LNX2: variants seen among roughly 807,000 people sequenced by gnomAD.
LNX2 encodes ligand of numb-protein X 2, also known as ligand of Numb protein X 2.
LNX2 carries 35 observed loss-of-function variants against 66.2 expected under a neutral mutation model. The observed-to-expected ratio is 0.53, with a 90% CI of 0.40 to 0.70. The LOEUF (loss-of-function observed/expected upper bound fraction) is 0.70. Among genes scored for constraint, LNX2 ranks in the 30% least tolerant of loss-of-function variants. The pLI, the probability that LNX2 is intolerant of heterozygous loss-of-function variation, is 0.00. For missense variants in LNX2, 791 were observed against 850.8 expected (o/e 0.93, Z 0.87); for synonymous variants, 337 against 315.6 (o/e 1.07, Z -0.72).
At chr13:27,558,391 G>A (rs75983449) in intron 6 of LNX2, among the ~76,000 whole-genome samples, 1,627 of 152,148 alleles carry the variant, frequency 0.011, 24 homozygotes, top group African/African-American at 0.037. Flanking sequence ...TAAAGAGAAT[G>A]AGAATTAGCA....
intron 4 of LNX2, among the ~76,000 whole-genome samples, chr13:27,566,363 G>A (rs936630745): frequency 9.9e-5 from 15 of 152,120 alleles, no homozygotes; most frequent in Admixed American, 3.9e-4. Flanking sequence ...TATATTCCAC[G>A]AGGACAGGTC....
Position 27,556,281 on chromosome 13 carries a change from C to A in LNX2, c.1501G>T (p.Val501Leu). The A allele has an allele frequency of 6.2e-7, 1 of 1,614,034 alleles. No homozygotes were observed. The highest frequency in any genetic ancestry group is 8.5e-7 in the Non-Finnish European group (1 of 1,179,972). Residue 501 changes from valine to leucine, a missense_variant, in exon 7 of 10, where the codon GTG becomes TTG. Physicochemically the swap from Val to Leu is conservative, Grantham distance 32. Transcript: ENST00000316334. ...CGTGCAAGGCAGCCATGGGGTGGCACACTGGTCACAAAGATGGGCAGCTCA... is the reference window on the plus strand; with the variant it reads ...CGTGCAAGGCAGCCATGGGGTGGCAAACTGGTCACAAAGATGGGCAGCTCA... Reference protein sequence around the residue: ...SGELPIFVTSVPPHGCLARDG... With the variant: ...SGELPIFVTSLPPHGCLARDG...
intron 1 of LNX2, among the ~76,000 whole-genome samples, chr13:27,590,012 T>G (rs1403803147): frequency 6.6e-6 from 1 of 152,146 alleles, no homozygotes; most frequent in East Asian, 1.9e-4. Context: ...TGCAGTAGCA[T>G]GATCTCGGCT....
chr13:27,587,821 A>C (rs1955504780), intron 1 of LNX2, among the ~76,000 whole-genome samples: 1 of 152,122 alleles, frequency 6.6e-6, no homozygotes, highest in African/African-American at 2.4e-5. Flanking sequence ...GGAGATCAAG[A>C]CCATCCTGGC....
intron 2 of LNX2, among the ~76,000 whole-genome samples, chr13:27,576,895 T>C (rs1011595729): frequency 1.3e-5 from 2 of 152,156 alleles, no homozygotes; most frequent in African/African-American, 4.8e-5. Flanking sequence ...TGACCTTGAA[T>C]TGGGCAATGT....
intron 1 of LNX2, among the ~76,000 whole-genome samples, chr13:27,614,341 T>TA (rs1230375635): frequency 1.3e-5 from 2 of 152,164 alleles, no homozygotes; most frequent in East Asian, 3.9e-4. Flanking sequence ...CCTTTTGAGA[T>TA]ATCTGTTCAG....
chr13:27,595,145 A>T (rs1368869964), intron 1 of LNX2, among the ~76,000 whole-genome samples: 1 of 152,182 alleles, frequency 6.6e-6, no homozygotes, highest in Non-Finnish European at 1.5e-5. Flanking sequence ...TGACCACAGC[A>T]TCCTCTTTCC....
At chr13:27,615,331 G>A (rs577361181) in intron 1 of LNX2, among the ~76,000 whole-genome samples, 4 of 152,294 alleles carry the variant, frequency 2.6e-5, no homozygotes, top group South Asian at 4.1e-4. Flanking sequence ...TGCACAGGGC[G>A]AGGTACGGGG....
At chr13:27,579,911 A>G (rs1955379446) in intron 2 of LNX2, among the ~76,000 whole-genome samples, 1 of 152,228 alleles carries the variant, frequency 6.6e-6, no homozygotes, top group Non-Finnish European at 1.5e-5. Context: ...AAGATATAAA[A>G]AAATGCAATG....
At chr13:27,576,287 T>C (rs1955339528) in intron 2 of LNX2, among the ~76,000 whole-genome samples, 4 of 151,842 alleles carry the variant, frequency 2.6e-5, no homozygotes, top group African/African-American at 7.3e-5. Flanking sequence ...AACCAGAAAA[T>C]AGACCCTTTA....
At chr13:27,596,623 T>C (rs549683142) in intron 1 of LNX2, among the ~76,000 whole-genome samples, 1 of 152,332 alleles carries the variant, frequency 6.6e-6, no homozygotes, top group South Asian at 2.1e-4. Context: ...TCCGTTTCAA[T>C]ATTACATTCT....
chr13:27,593,987 A>G (rs1268877717), intron 1 of LNX2, among the ~76,000 whole-genome samples: 11 of 151,790 alleles, frequency 7.2e-5, no homozygotes, highest in Admixed American at 3.3e-4. Flanking sequence ...ACAAACCCCA[A>G]AAAAGTCAAA....
chr13:27,608,849 G>C (rs1278555453), intron 1 of LNX2, among the ~76,000 whole-genome samples: 2 of 143,592 alleles, frequency 1.4e-5, no homozygotes, highest in East Asian at 1.9e-4. Flanking sequence ...CTGTCATCCA[G>C]GCTGGAGTGC....
rs1420971300 is a variant in LNX2, at chr13:27,553,786, A to G, written c.1547-347T>C. On this transcript the variant is annotated intron_variant, in intron 7 of 9. Transcript: ENST00000316334. ...TCTTAAGAGTTTCAGAGATTTCTAC[A>G]ATTCTGTCCAATCAAAAATCACTTG... Among the ~76,000 whole-genome samples, 3 of 152,280 alleles carry G rather than the reference A, an allele frequency of 2.0e-5. No homozygotes were observed. In the East Asian group the frequency reaches 5.8e-4, roughly 29 times the overall value.
In LNX2 at chr13:27,562,612, A is replaced by C; in HGVS notation, c.1025T>G (p.Leu342Arg). Residue 342 changes from leucine to arginine, a missense_variant, in exon 5 of 10, where the codon CTT becomes CGT. Physicochemically the swap from Leu to Arg is moderately radical, Grantham distance 102. Coordinates refer to ENST00000316334, the MANE Select transcript of LNX2 (RefSeq NM_153371.4). ...CTGTTCACCAGAGTCCCGTTTATGA[A>C]GAGCCACTTGGAAAATCTCTTCTCG... Reference protein sequence around the residue: ...SPREEIFQVALHKRDSGEQLG... With the variant: ...SPREEIFQVARHKRDSGEQLG... 1 of 1,614,164 alleles carries C rather than the reference A, an allele frequency of 6.2e-7. No homozygotes were observed. The highest frequency in any genetic ancestry group is 8.5e-7 in the Non-Finnish European group (1 of 1,180,024).
intron 2 of LNX2, among the ~76,000 whole-genome samples, chr13:27,576,797 T>C (rs1040126890): frequency 4.0e-5 from 6 of 151,886 alleles, no homozygotes; most frequent in Admixed American, 2.0e-4. Flanking sequence ...TGATTTCTCA[T>C]TGCAATTAAT....
At chr13:27,549,821 G>C (rs1347692430) in intron 9 of LNX2, among the ~76,000 whole-genome samples, 1 of 152,176 alleles carries the variant, frequency 6.6e-6, no homozygotes, top group Non-Finnish European at 1.5e-5. Context: ...CTCCCTTATG[G>C]AGCTTGCATA....
At chr13:27,561,647 T>C (rs1955137233) in intron 5 of LNX2, among the ~76,000 whole-genome samples, 3 of 152,220 alleles carry the variant, frequency 2.0e-5, no homozygotes, top group South Asian at 2.1e-4. Context: ...CATTCTTCAA[T>C]GACTATCGGC....
At chr13:27,552,408 G>A (rs759975046) in intron 8 of LNX2, among the ~76,000 whole-genome samples, 1 of 152,188 alleles carries the variant, frequency 6.6e-6, no homozygotes, top group Non-Finnish European at 1.5e-5. Context: ...CCACGAGTCA[G>A]GTGGCTCAGA....
Sources: gnomAD v4.1 joint callset for allele counts (sites outside exome capture counted in the v4.1 genomes callset) on GRCh38, gnomAD v4.1.1 for gene constraint, MANE v1.5 for transcripts, NCBI Gene and HGNC (gene_info 2026-07-23, HGNC 2026-07-21) for gene names.